ANKRD11: variants seen among roughly 807,000 people sequenced by gnomAD.
The protein encoded by ANKRD11 is ankyrin repeat domain-containing protein 11.
A neutral mutation model predicts 195.7 loss-of-function variants in ANKRD11; 17 were observed. That is an observed-to-expected ratio of 0.09 (90% CI 0.06 to 0.13). The LOEUF (loss-of-function observed/expected upper bound fraction) is 0.13. ANKRD11 is among the 10% of genes least tolerant of loss of function. The probability of loss-of-function intolerance (pLI) is 1.00; values close to 1 mark genes in which losing one functional copy is unlikely to be tolerated. For missense variants in ANKRD11, 3,735 were observed against 3,566.1 expected (o/e 1.05, Z -1.21); for synonymous variants, 1,953 against 1,528.1 (o/e 1.28, Z -6.49).
chr16:89,460,586 T>C (rs901166190), intron 1 of ANKRD11, among the ~76,000 whole-genome samples: 4 of 151,946 alleles, frequency 2.6e-5, no homozygotes, highest in African/African-American at 4.8e-5. Flanking sequence ...AAAATTAAAT[T>C]TGACACTGGG....
At chr16:89,305,690 C>CACTT (rs2036160228) in intron 3 of ANKRD11, among the ~76,000 whole-genome samples, 4 of 16,496 alleles carry the variant, frequency 2.4e-4, no homozygotes, top group African/African-American at 5.6e-4. Flanking sequence ...AGACACGCGC[C>CACTT]ACCTCCCACT....
intron 3 of ANKRD11, among the ~76,000 whole-genome samples, chr16:89,309,994 T>A (rs2036521962): frequency 6.6e-6 from 1 of 152,148 alleles, no homozygotes; most frequent in Non-Finnish European, 1.5e-5. Context: ...CCCTATCACA[T>A]CACGACTTCC....
At chr16:89,418,078 G>C (rs771090702) in intron 2 of ANKRD11, among the ~76,000 whole-genome samples, 31 of 152,120 alleles carry the variant, frequency 2.0e-4, no homozygotes, top group Non-Finnish European at 2.6e-4. Flanking sequence ...GTGACACCAA[G>C]GATCCCATTC....
intron 1 of ANKRD11, among the ~76,000 whole-genome samples, chr16:89,477,287 T>G (rs2057293502): frequency 1.3e-5 from 2 of 150,250 alleles, no homozygotes; most frequent in South Asian, 4.3e-4. Flanking sequence ...CCACCTCCCA[T>G]GTTCAAGCGA....
intron 2 of ANKRD11, among the ~76,000 whole-genome samples, chr16:89,347,174 G>T (rs2038980129): frequency 6.6e-6 from 1 of 152,178 alleles, no homozygotes; most frequent in Non-Finnish European, 1.5e-5. Flanking sequence ...ATGGAAATGT[G>T]AATGAAAACA....
At chr16:89,381,058 C>A (rs1354407554) in intron 2 of ANKRD11, among the ~76,000 whole-genome samples, 1 of 152,158 alleles carries the variant, frequency 6.6e-6, no homozygotes, top group African/African-American at 2.4e-5. Flanking sequence ...CGAGGTGGCT[C>A]AGGCCTGTCA....
At position 89,329,914 on chromosome 16, in the gene ANKRD11, T is replaced by G. The variant is rs923245549; in HGVS notation, c.-59-12836A>C. On this transcript the variant is annotated intron_variant, in intron 2 of 12. Coordinates refer to ENST00000301030, the MANE Select transcript of ANKRD11 (RefSeq NM_013275.6). The stretch of plus-strand genomic sequence containing the variant: ...CCAGCTACTTGGGAGGCTGAGGCAC[T>G]GGGAGGCAGAGGCTGCCGTGAGCAG... 4.6e-5 allele frequency among the ~76,000 whole-genome samples: 7 copies of G among 151,900 alleles called. No homozygotes were observed. In the East Asian group the frequency reaches 9.7e-4, roughly 21 times the overall value.
chr16:89,318,473 C>G (rs555539844), intron 2 of ANKRD11, among the ~76,000 whole-genome samples: 1 of 152,324 alleles, frequency 6.6e-6, no homozygotes, highest in Admixed American at 6.5e-5. Context: ...GCGACCATGC[C>G]GGGAGAAGCA....
At chr16:89,316,909 A>G (rs929027474) in intron 3 of ANKRD11, 24 bp downstream of exon 3, 1 of 1,609,982 alleles carries the variant, frequency 6.2e-7, no homozygotes, top group Non-Finnish European at 8.5e-7. Context: ...GTGAGCATGC[A>G]GGGCTGGGAG....
At chr16:89,403,997 G>A (rs937195226) in intron 2 of ANKRD11, among the ~76,000 whole-genome samples, 11 of 152,178 alleles carry the variant, frequency 7.2e-5, no homozygotes, top group Admixed American at 7.2e-4. Context: ...ACTAAAATAG[G>A]GTGAAAGAAT....
chr16:89,404,646 G>T (rs1460795742), intron 2 of ANKRD11, among the ~76,000 whole-genome samples: 1 of 152,234 alleles, frequency 6.6e-6, no homozygotes, highest in East Asian at 1.9e-4. Flanking sequence ...TCACTACTAT[G>T]GATCCTGAGG....
rs1038789200 is a variant in ANKRD11 at position 89,457,637 on chromosome 16, A to C, written c.-145+32608T>G. On this transcript the variant is annotated intron_variant, in intron 1 of 12. Coordinates refer to ENST00000301030, the MANE Select transcript of ANKRD11 (RefSeq NM_013275.6). ...TCCATTCATATGAAATTCTAAAATA[A>C]GCAAAACTAATCCACAATAACAGAA... Among the ~76,000 whole-genome samples, 10 of 151,906 alleles carry C rather than the reference A, an allele frequency of 6.6e-5. 1 individual carries two copies. The South Asian group carries it at 8.3e-4, about 13-fold the overall frequency.
rs1483549934 is a variant in ANKRD11, at chr16:89,490,452, G to T, written c.-352C>A. The T allele has an allele frequency of 2.7e-6, 1 of 371,146 alleles. No homozygotes were observed. Among genetic ancestry groups the T allele is most frequent in the African/African-American group, 2.1e-5 (1 of 46,872 alleles). The allele number at this position is 371,146 out of a possible 1,614,324, so 23.0% of individuals were successfully genotyped here. On this transcript the variant is annotated 5_prime_UTR_variant, in exon 1 of 13. Coordinates refer to ENST00000301030, the MANE Select transcript of ANKRD11 (RefSeq NM_013275.6). ...CGCGCCCACGGCTCGGGCGAGAGCC[G>T]CGGCTCCCGGTGCGGACGCTACTGA...
At position 89,281,938 on chromosome 16, in the gene ANKRD11, T is replaced by G; in HGVS notation, c.4604A>C (p.Lys1535Thr). 6.2e-7 allele frequency: 1 copy of G among 1,613,032 alleles called. No individual in the cohort carries two copies. Among genetic ancestry groups the G allele is most frequent in the Non-Finnish European group, 8.5e-7 (1 of 1,180,044 alleles). ...LGDAKLKEKF[K>T]DGAEKEKGDP... The stretch of plus-strand genomic sequence containing the variant: ...GCCCTTTTCTTTCTCTGCACCGTCC[T>G]TGAATTTCTCCTTCAGTTTGGCATC... The change falls in exon 9 of 13, where the codon AAG (lysine) becomes ACG (threonine). Residue 1535 changes from lysine to threonine, a missense_variant. Physicochemically the swap from Lys to Thr is moderately conservative, Grantham distance 78. Transcript: ENST00000301030. This position sits in a 1 kb window ranked among gnomAD's most constrained non-coding sequence, Gnocchi z 5.5.
At chr16:89,270,464 G>A (rs989613258) in intron 12 of ANKRD11, 5 of 380,900 alleles carry the variant, frequency 1.3e-5, no homozygotes, top group African/African-American at 2.1e-5. Flanking sequence ...CCTGCCCACC[G>A]CCCTGGCCAG....
At chr16:89,449,109 G>C (rs538134626) in intron 1 of ANKRD11, among the ~76,000 whole-genome samples, 1 of 151,904 alleles carries the variant, frequency 6.6e-6, no homozygotes, top group African/African-American at 2.4e-5. Context: ...CCAGCATGTT[G>C]GGAGGCTGAG....
chr16:89,488,009 C>T (rs961129865), intron 1 of ANKRD11, among the ~76,000 whole-genome samples: 1 of 151,988 alleles, frequency 6.6e-6, no homozygotes, highest in Non-Finnish European at 1.5e-5. Context: ...AAGCATCTGG[C>T]GGTGGCAATG....
At chr16:89,278,993 G>A (rs1205176252) in intron 9 of ANKRD11, 79 bp downstream of exon 9, 1 of 1,575,636 alleles carries the variant, frequency 6.3e-7, no homozygotes, top group Non-Finnish European at 8.6e-7. Context: ...GACAAGACGG[G>A]CTGGAGGAAG....
At chr16:89,478,987 G>A (rs902277350) in intron 1 of ANKRD11, among the ~76,000 whole-genome samples, 9 of 152,082 alleles carry the variant, frequency 5.9e-5, no homozygotes, top group African/African-American at 1.9e-4. Context: ...TTCTCACTCT[G>A]TCACCGGGGC....
Sources: allele counts gnomAD v4.1 joint callset (sites outside exome capture counted in the v4.1 genomes callset), GRCh38; gene constraint gnomAD v4.1.1; non-coding constraint Gnocchi (gnomAD v3.1); transcripts MANE v1.5; gene names NCBI Gene and HGNC (gene_info 2026-07-23, HGNC 2026-07-21).